The following ABCB1 variants were observed in gnomAD, a reference collection of about 807,000 sequenced individuals.
ABCB1 encodes the protein ATP-dependent translocase ABCB1.
Under a neutral mutation model 142.0 loss-of-function variants are expected in ABCB1, and 69 were observed. The observed-to-expected ratio is 0.49, with a 90% confidence interval of 0.40 to 0.59. The LOEUF is 0.59. Ranked by LOEUF, ABCB1 falls within the 20% of genes least tolerant of loss-of-function variation. The pLI is 0.00. For synonymous variants in ABCB1, 532 were observed against 539.2 expected (o/e 0.99, Z 0.18); for missense variants, 1,326 against 1,554.7 (o/e 0.85, Z 2.47).
chr7:87,704,271 T>C (rs558419157), intron 1 of ABCB1, among the ~76,000 whole-genome samples: 1 of 152,282 alleles, frequency 6.6e-6, no homozygotes, highest in South Asian at 2.1e-4. Context: ...TATCTACATT[T>C]CTTTTGGCTA....
chr7:87,580,147 G>T (rs1363049914), intron 4 of ABCB1, among the ~76,000 whole-genome samples: 2 of 151,982 alleles, frequency 1.3e-5, no homozygotes, highest in Non-Finnish European at 2.9e-5. Flanking sequence ...AGTGAGTTTT[G>T]TACCTTCAGA....
In ABCB1 at chr7:87,519,325, C is replaced by G; in HGVS notation, c.2927+1G>C. 1 of 1,613,874 alleles carries G rather than the reference C, an allele frequency of 6.2e-7. No homozygotes were observed. Among genetic ancestry groups the G allele is most frequent in the Non-Finnish European group, 8.5e-7 (1 of 1,179,800 alleles). ...TAACTAAATAATAGCCCAATACTTA[C>G]AACAGAACATCCTCAAAGCTCATGA... On this transcript the variant is annotated splice_donor_variant, in intron 23 of 27. Coordinates refer to ENST00000622132, the MANE Select transcript of ABCB1 (RefSeq NM_001348946.2). LOFTEE classifies it high-confidence loss of function.
chr7:87,562,055 C>A (rs927627540), intron 7 of ABCB1, among the ~76,000 whole-genome samples: 1 of 151,982 alleles, frequency 6.6e-6, no homozygotes, highest in Non-Finnish European at 1.5e-5. Flanking sequence ...GAATTATATT[C>A]TTTCAATAAA....
intron 7 of ABCB1, among the ~76,000 whole-genome samples, chr7:87,565,823 T>C (rs1228519853): frequency 6.6e-6 from 1 of 152,060 alleles, no homozygotes; most frequent in Non-Finnish European, 1.5e-5. Context: ...AGAAGGTAGA[T>C]ATGAGAGCTA....
Position 87,534,945 on chromosome 7 carries a change from A to ATT in ABCB1, c.2481+1511_2481+1512dup, listed in dbSNP as rs77385476. 2.1e-3 allele frequency among the ~76,000 whole-genome samples: 281 copies of ATT among 137,044 alleles called. 5 individuals are homozygous for ATT. In the East Asian group the frequency reaches 0.045, roughly 22 times the overall value. 89.9% of individuals were successfully genotyped at this position (137,044 alleles called of 152,430 possible). A position where few individuals can be genotyped will look rare whatever the true frequency, so the allele number is the denominator to read the frequency against. ...AAAAAAAAAAAAAAAAAAAAACTCC[A>ATT]TTTTTTTTTCCACTGTGCAGGTAAA... is the stretch of plus-strand genomic sequence containing the variant. On this transcript the variant is annotated intron_variant, in intron 20 of 27. Transcript: ENST00000622132.
intron 1 of ABCB1, chr7:87,628,833 C>T: frequency 8.0e-7 from 1 of 1,257,378 alleles, no homozygotes. Context: ...CATGGCCTCC[C>T]GGAGCCTGGG....
In ABCB1 at chr7:87,556,597, T is replaced by C. The variant is rs907539538; in HGVS notation, c.828-2665A>G. On this transcript the variant is annotated intron_variant, in intron 8 of 27. Transcript: ENST00000622132. ...TTTCAAGTTATATCCCAAATCTAGG[T>C]ACCTGTCACCCCTCTCCTGCCTCTG... Among the ~76,000 whole-genome samples, 3 of 152,168 alleles carry C rather than the reference T, an allele frequency of 2.0e-5. No homozygotes were observed. In the East Asian group the frequency reaches 5.8e-4, roughly 29 times the overall value.
intron 1 of ABCB1, among the ~76,000 whole-genome samples, chr7:87,680,621 C>A (rs1444641461): frequency 6.7e-6 from 1 of 149,972 alleles, no homozygotes; most frequent in East Asian, 2.0e-4. Context: ...GGTGAAACCC[C>A]GTTTCTACCA....
intron 1 of ABCB1, among the ~76,000 whole-genome samples, chr7:87,646,263 A>G (rs1205222978): frequency 1.3e-5 from 2 of 152,172 alleles, no homozygotes; most frequent in Non-Finnish European, 2.9e-5. Flanking sequence ...ATATGAAAAT[A>G]TATGCACTAA....
At chr7:87,544,019 G>A in intron 17 of ABCB1, 110 bp downstream of exon 17, 1 of 1,295,446 alleles carries the variant, frequency 7.7e-7, no homozygotes, top group South Asian at 1.2e-5. Flanking sequence ...TTCATATGGA[G>A]ATACGTGGAT....
rs1584857749 is a variant in ABCB1 at position 87,536,686 on chromosome 7, A to G, written c.2398-145T>C. On this transcript the variant is annotated intron_variant, in intron 19 of 27. Transcript: ENST00000622132. Reference sequence around the variant, plus strand: ...TGTGACATTCAATACACAAGAAAGAAACTTAATATAAAAACACATAAATAG... The same window carrying G: ...TGTGACATTCAATACACAAGAAAGAGACTTAATATAAAAACACATAAATAG... 1.8e-5 allele frequency: 13 copies of G among 732,402 alleles called. No homozygotes were observed. In the East Asian group the frequency reaches 3.5e-4, roughly 20 times the overall value. The allele number at this position is 732,402 out of a possible 1,614,324, so 45.4% of individuals were successfully genotyped here. A position where few individuals can be genotyped will look rare whatever the true frequency, so the allele number is the denominator to read the frequency against.
intron 1 of ABCB1, among the ~76,000 whole-genome samples, chr7:87,615,443 C>T (rs1013889673): frequency 1.3e-5 from 2 of 152,146 alleles, no homozygotes; most frequent in African/African-American, 4.8e-5. Context: ...ATCTTGAGGA[C>T]TTCGTCACTC....
intron 1 of ABCB1, among the ~76,000 whole-genome samples, chr7:87,628,093 T>A (rs1820781810): frequency 6.6e-6 from 1 of 152,122 alleles, no homozygotes; most frequent in African/African-American, 2.4e-5. Context: ...CGCAAATAGG[T>A]ATCAGCCGTT....
At chr7:87,694,091 T>G in intron 1 of ABCB1, 1 of 1,497,468 alleles carries the variant, frequency 6.7e-7, no homozygotes, top group Non-Finnish European at 8.8e-7. Flanking sequence ...TTCTTTTTTG[T>G]GTGTTTTTGT....
At chr7:87,648,073 T>G (rs1823201912) in intron 1 of ABCB1, among the ~76,000 whole-genome samples, 1 of 150,704 alleles carries the variant, frequency 6.6e-6, no homozygotes, top group Admixed American at 6.6e-5. Context: ...TAGTCCCAGC[T>G]ACTCAGGAGG....
chr7:87,698,109 G>A (rs1180884426), intron 1 of ABCB1, among the ~76,000 whole-genome samples: 1 of 152,100 alleles, frequency 6.6e-6, no homozygotes, highest in Non-Finnish European at 1.5e-5. Context: ...ATTTTTTATT[G>A]CTTTTTTTGA....
intron 21 of ABCB1, among the ~76,000 whole-genome samples, chr7:87,526,778 T>A (rs1007619855): frequency 1.3e-5 from 2 of 152,308 alleles, no homozygotes; most frequent in African/African-American, 4.8e-5. Flanking sequence ...CATGCCTTCT[T>A]GTTGTACAAC....
chr7:87,692,123 G>T (rs993510862), intron 1 of ABCB1, among the ~76,000 whole-genome samples: 1 of 152,052 alleles, frequency 6.6e-6, no homozygotes. Flanking sequence ...AGGGCACAGA[G>T]GCTAGCATAC....
chr7:87,522,123 C>T, intron 21 of ABCB1: 1 of 1,351,394 alleles, frequency 7.4e-7, no homozygotes. Context: ...GTGGAGGAAA[C>T]TTCAGTGGTC....
Sources: gnomAD v4.1 joint callset for allele counts (sites outside exome capture counted in the v4.1 genomes callset) on GRCh38, gnomAD v4.1.1 for gene constraint, MANE v1.5 for transcripts, NCBI Gene and HGNC (gene_info 2026-07-23, HGNC 2026-07-21) for gene names.